Variants in EIF4G3 observed in about 807,000 individuals in gnomAD.
The protein encoded by EIF4G3 is eIF-4-gamma 3.
Under a neutral mutation model 186.4 loss-of-function variants are expected in EIF4G3, and 34 were observed. That is an observed-to-expected ratio of 0.18 (90% CI 0.14 to 0.24). The LOEUF (loss-of-function observed/expected upper bound fraction) is 0.24. EIF4G3 is among the 10% of genes least tolerant of loss of function. The pLI is 1.00. For synonymous variants in EIF4G3, 673 were observed against 679.5 expected (o/e 0.99, Z 0.15); for missense variants, 1,536 against 1,948.5 (o/e 0.79, Z 3.99).
intron 2 of EIF4G3, among the ~76,000 whole-genome samples, chr1:21,103,533 A>G (rs971214779): frequency 1.3e-5 from 2 of 152,306 alleles, no homozygotes; most frequent in African/African-American, 4.8e-5. Flanking sequence ...AGAATGAAAG[A>G]GGAAAAATTA....
At chr1:20,896,744 G>T (rs922295138) in intron 16 of EIF4G3, among the ~76,000 whole-genome samples, 9 of 152,102 alleles carry the variant, frequency 5.9e-5, no homozygotes, top group Admixed American at 5.2e-4. Context: ...TCCATTCATG[G>T]TAAGTGCCCT....
chr1:20,901,491 T>C (rs1178817382), intron 15 of EIF4G3, among the ~76,000 whole-genome samples: 1 of 152,196 alleles, frequency 6.6e-6, no homozygotes, highest in Admixed American at 6.5e-5. Context: ...TCTTATAAAA[T>C]GTGAAACTTT....
chr1:20,980,722 T>C (rs779853979), intron 9 of EIF4G3, among the ~76,000 whole-genome samples: 1 of 152,198 alleles, frequency 6.6e-6, no homozygotes, highest in Non-Finnish European at 1.5e-5. Context: ...AATCTCAGGC[T>C]AGTAGCTTTT....
intron 20 of EIF4G3, among the ~76,000 whole-genome samples, chr1:20,878,785 C>CT (rs2081542527): frequency 6.6e-6 from 1 of 152,200 alleles, no homozygotes; most frequent in African/African-American, 2.4e-5. Flanking sequence ...GTCTCCCTCT[C>CT]TGTCTTGCCC....
intron 7 of EIF4G3, among the ~76,000 whole-genome samples, chr1:20,990,722 A>T (rs115236759): frequency 0.013 from 1,913 of 152,328 alleles, 39 homozygotes; most frequent in African/African-American, 0.042. Context: ...CTTACACATA[A>T]TTCTACTGTT....
chr1:21,153,038 C>T (rs776317150), intron 2 of EIF4G3, among the ~76,000 whole-genome samples: 1 of 152,210 alleles, frequency 6.6e-6, no homozygotes, highest in Non-Finnish European at 1.5e-5. Context: ...TTCCTAAATG[C>T]TCCAAAGTTC....
Position 21,129,106 on chromosome 1 carries a change from C to A in EIF4G3, c.-271-39893G>T, listed in dbSNP as rs1321916338. Among the ~76,000 whole-genome samples, 5 of 151,712 alleles carry A rather than the reference C, an allele frequency of 3.3e-5. No homozygotes were observed. In the East Asian group the frequency reaches 9.7e-4, roughly 29 times the overall value. ...GAGGCGGGTGGATCACAAAGTCAGGCGTTCAAGACCAGCCTGGCCAACATG... is the reference window on the plus strand; with the variant it reads ...GAGGCGGGTGGATCACAAAGTCAGGAGTTCAAGACCAGCCTGGCCAACATG... On this transcript the variant is annotated intron_variant, in intron 2 of 36. Transcript: ENST00000602326.
intron 20 of EIF4G3, among the ~76,000 whole-genome samples, chr1:20,874,533 T>C (rs911133164): frequency 1.3e-5 from 2 of 152,208 alleles, no homozygotes; most frequent in Non-Finnish European, 2.9e-5. Flanking sequence ...GATTTTCATT[T>C]CTATGAACTG....
chr1:20,840,460 T>C (rs557788816), intron 30 of EIF4G3, among the ~76,000 whole-genome samples: 3 of 152,362 alleles, frequency 2.0e-5, no homozygotes, highest in African/African-American at 7.2e-5. Context: ...TGAAAGAATA[T>C]GGTTTTTAAA....
intron 4 of EIF4G3, among the ~76,000 whole-genome samples, chr1:21,040,292 G>A (rs888621253): frequency 2.6e-5 from 4 of 152,178 alleles, no homozygotes; most frequent in African/African-American, 9.7e-5. Context: ...GAGCTTCTAC[G>A]TAACCAAACA....
At chr1:20,883,786 C>G (rs994801501) in intron 19 of EIF4G3, among the ~76,000 whole-genome samples, 2 of 152,028 alleles carry the variant, frequency 1.3e-5, no homozygotes, top group Admixed American at 6.6e-5. Context: ...ATTGAGAGAA[C>G]AAGCTGGAAA....
At chr1:21,055,315 C>G (rs1292222106) in intron 3 of EIF4G3, among the ~76,000 whole-genome samples, 1 of 151,826 alleles carries the variant, frequency 6.6e-6, no homozygotes, top group Non-Finnish European at 1.5e-5. Context: ...AAAAAGAGAG[C>G]AAAGAAGTTA....
chr1:21,022,895 T>C (rs2091084224), intron 4 of EIF4G3, among the ~76,000 whole-genome samples: 2 of 152,216 alleles, frequency 1.3e-5, no homozygotes, highest in Non-Finnish European at 2.9e-5. Flanking sequence ...CTGAATTACA[T>C]GGTAAATGTT....
At position 20,997,626 on chromosome 1, in the gene EIF4G3, G is replaced by A. The variant is rs1050853362; in HGVS notation, c.152C>T (p.Ala51Val). 42 of 1,542,012 alleles carry A rather than the reference G, an allele frequency of 2.7e-5. No homozygotes were observed. Among genetic ancestry groups the A allele is most frequent in the South Asian group, 1.4e-4 (12 of 82,796 alleles). Residue 51 changes from alanine to valine, a missense_variant, in exon 7 of 37, where the codon GCG becomes GTG. Physicochemically the swap from Ala to Val is moderately conservative, Grantham distance 64 (BLOSUM62 0). This residue lies in a region of EIF4G3 where 194 missense variants were observed against 212.8 expected (regional missense o/e 0.91). Transcript: ENST00000602326. ...CTGATGATGGGGAGGTCGAGGCCCC[G>A]CTGCAAACTGAGAAAAGGAGGGAAA... ...RGWIKYCIFA[A>V]GPRPPHHQGG...
rs2095747406 is a variant in EIF4G3, at chr1:20,942,279, C to T, written c.875G>A (p.Arg292Lys). The change falls in exon 14 of 37, where the codon AGG becomes AAG. Residue 292 changes from arginine to lysine, a missense_variant. Arg to Lys is a conservative substitution (Grantham distance 26). This residue lies in a region of EIF4G3 where 560 missense variants were observed against 547.8 expected (regional missense o/e 1.02). Transcript: ENST00000602326. ...TTTCTTCTCTCCACTGAGGACTAGC[C>T]TAAGGACTGGGGAAGGAGACTTTAA... is the stretch of plus-strand genomic sequence containing the variant. ...PVLKSPSPVL[R>K]LVLSGEKKEQ... 6.2e-7 allele frequency: 1 copy of T among 1,610,696 alleles called. No individual in the cohort carries two copies. Among genetic ancestry groups the T allele is most frequent in the Non-Finnish European group, 8.5e-7 (1 of 1,178,710 alleles).
intron 2 of EIF4G3, among the ~76,000 whole-genome samples, chr1:21,142,718 G>C (rs1377111672): frequency 1.3e-5 from 2 of 151,972 alleles, no homozygotes; most frequent in Non-Finnish European, 2.9e-5. Context: ...CATACATTTT[G>C]ATCTGCTTCT....
At chr1:20,948,259 T>G (rs2096057011) in intron 13 of EIF4G3, among the ~76,000 whole-genome samples, 1 of 152,228 alleles carries the variant, frequency 6.6e-6, no homozygotes, top group Non-Finnish European at 1.5e-5. Context: ...ACTTTATCAT[T>G]GAAGGTAGCA....
intron 31 of EIF4G3, 43 bp downstream of exon 31, chr1:20,829,104 C>T: frequency 6.3e-7 from 1 of 1,596,012 alleles, no homozygotes; most frequent in Non-Finnish European, 8.6e-7. Context: ...AGTTATTAGT[C>T]AGTTCTACCT....
intron 4 of EIF4G3, among the ~76,000 whole-genome samples, chr1:21,044,589 GA>G (rs2093767675): frequency 6.9e-6 from 1 of 144,488 alleles, no homozygotes; most frequent in East Asian, 2.0e-4. Context: ...GTAACAAAAA[GA>G]AAAAAAAGCA....
Sources: allele counts gnomAD v4.1 joint callset (sites outside exome capture counted in the v4.1 genomes callset), GRCh38; gene constraint gnomAD v4.1.1; regional missense constraint gnomAD v4.1.1; transcripts MANE v1.5; gene names NCBI Gene and HGNC (gene_info 2026-07-23, HGNC 2026-07-21).